The following EDARADD variants were observed in gnomAD, a reference collection of about 807,000 sequenced individuals.
EDARADD encodes the protein EDAR associated via death domain.
EDARADD carries 20 observed loss-of-function variants against 25.6 expected under a neutral mutation model. The observed-to-expected ratio is 0.78, with a 90% CI of 0.55 to 1.14. The LOEUF (loss-of-function observed/expected upper bound fraction) is 1.14. Ranked by LOEUF, EDARADD falls within the 50% of genes most tolerant of loss-of-function variation. EDARADD has a pLI of 0.00. For missense variants in EDARADD, 225 were observed against 270.1 expected (o/e 0.83, Z 1.17); for synonymous variants, 86 against 94.4 (o/e 0.91, Z 0.52).
intron 4 of EDARADD, among the ~76,000 whole-genome samples, chr1:236,458,631 TTTTC>T (rs1354119023): frequency 1.4e-5 from 2 of 144,826 alleles, no homozygotes; most frequent in East Asian, 1.9e-4. Flanking sequence ...TTTTGGTATT[TTTTC>T]TTTTTCTTTT....
intron 3 of EDARADD, among the ~76,000 whole-genome samples, chr1:236,362,063 C>T (rs563715035): frequency 6.6e-5 from 10 of 152,008 alleles, no homozygotes; most frequent in Non-Finnish European, 1.2e-4. Context: ...AATATTTACC[C>T]GCAATTGGTA....
chr1:236,376,047 T>G (rs2102994757), intron 3 of EDARADD, among the ~76,000 whole-genome samples: 1 of 151,098 alleles, frequency 6.6e-6, no homozygotes, highest in East Asian at 2.0e-4. Context: ...CGATTCTCCT[T>G]CTTCAGCCTC....
chr1:236,356,621 G>T (rs2102990373), intron 3 of EDARADD, among the ~76,000 whole-genome samples: 1 of 152,228 alleles, frequency 6.6e-6, no homozygotes, highest in African/African-American at 2.4e-5. Flanking sequence ...TGGTAAAATT[G>T]ATAAAATGGC....
At chr1:236,481,893 C>T (rs112733372) in intron 5 of EDARADD, among the ~76,000 whole-genome samples, 8,696 of 151,538 alleles carry the variant, frequency 0.057, 788 homozygotes, top group African/African-American at 0.19. Context: ...GCGGGTGGAT[C>T]ACAAGGTCAG....
chr1:236,379,629 A>G (rs1252804434), intron 3 of EDARADD, among the ~76,000 whole-genome samples: 3 of 151,486 alleles, frequency 2.0e-5, no homozygotes, highest in Non-Finnish European at 4.4e-5. Context: ...AAATACAAAA[A>G]TTACCCAGAT....
intron 4 of EDARADD, among the ~76,000 whole-genome samples, chr1:236,436,591 C>T (rs1658257886): frequency 7.1e-6 from 1 of 140,072 alleles, no homozygotes; most frequent in South Asian, 2.2e-4. Flanking sequence ...TGTGCTACTG[C>T]ACTCCAGCAT....
intron 5 of EDARADD, among the ~76,000 whole-genome samples, chr1:236,479,323 C>T (rs1453018003): frequency 6.6e-6 from 1 of 151,766 alleles, no homozygotes; most frequent in Non-Finnish European, 1.5e-5. Flanking sequence ...TAGTGGGACC[C>T]TGTCTCAAAT....
intron 4 of EDARADD, among the ~76,000 whole-genome samples, chr1:236,447,512 G>A (rs1478841225): frequency 2.6e-5 from 4 of 151,880 alleles, no homozygotes; most frequent in Admixed American, 6.6e-5. Context: ...ATGTCCTCCC[G>A]CCATCCTACC....
chr1:236,466,208 C>T (rs1047601647), intron 4 of EDARADD, among the ~76,000 whole-genome samples: 1 of 152,196 alleles, frequency 6.6e-6, no homozygotes, highest in Non-Finnish European at 1.5e-5. Context: ...AGCCCACATA[C>T]CTGCCCGATC....
intron 4 of EDARADD, among the ~76,000 whole-genome samples, chr1:236,442,029 G>T (rs1658415307): frequency 6.6e-6 from 1 of 152,140 alleles, no homozygotes; most frequent in Non-Finnish European, 1.5e-5. Context: ...TACCATCATT[G>T]ATGAAACTGA....
At chr1:236,456,143 G>A (rs959772142) in intron 4 of EDARADD, among the ~76,000 whole-genome samples, 9 of 152,174 alleles carry the variant, frequency 5.9e-5, no homozygotes, top group South Asian at 2.1e-4. Context: ...GTGCAGTGGC[G>A]CGATCTCTGC....
rs187978069 is a variant in EDARADD, at chr1:236,406,493, T to C, written c.62-2723T>C. ...CTCCTGGGCTGTTTGGTACAGCCCA[T>C]TGCTCCAGGACTACACACCTGCCCA... is the stretch of plus-strand genomic sequence containing the variant. On this transcript the variant is annotated intron_variant, in intron 1 of 5. Coordinates refer to ENST00000334232, the MANE Select transcript of EDARADD (RefSeq NM_145861.4). 1.1e-3 allele frequency among the ~76,000 whole-genome samples: 172 copies of C among 152,220 alleles called. 3 individuals are homozygous for C. Among genetic ancestry groups the C allele is most frequent in the Admixed American group, 9.5e-3 (145 of 15,288 alleles).
chr1:236,393,562 G>A (rs1667460406), upstream of EDARADD, among the ~76,000 whole-genome samples: 1 of 151,696 alleles, frequency 6.6e-6, no homozygotes, highest in Admixed American at 6.6e-5. Flanking sequence ...ATCCAGCTAA[G>A]TTTTTTGTAT....
At chr1:236,377,105 C>T (rs560002713) in intron 3 of EDARADD, among the ~76,000 whole-genome samples, 1 of 148,782 alleles carries the variant, frequency 6.7e-6, no homozygotes, top group Non-Finnish European at 1.5e-5. Flanking sequence ...CCATTACAGC[C>T]CTTAACATAT....
chr1:236,451,659 G>C (rs1658716546), intron 4 of EDARADD, among the ~76,000 whole-genome samples: 1 of 152,144 alleles, frequency 6.6e-6, no homozygotes, highest in Admixed American at 6.5e-5. Flanking sequence ...CTAACCTCAA[G>C]TGATCTGCCT....
In EDARADD at chr1:236,395,524, C is replaced by T. The variant is rs1345878705; in HGVS notation, c.61+1019C>T. The T allele has an allele frequency of 6.5e-7, 1 of 1,534,462 alleles. No individual in the cohort carries two copies. Among genetic ancestry groups the T allele is most frequent in the African/African-American group, 1.4e-5 (1 of 72,790 alleles). On this transcript the variant is annotated intron_variant, in intron 1 of 5. Coordinates refer to ENST00000334232, the MANE Select transcript of EDARADD (RefSeq NM_145861.4). The surrounding 1 kb of genome is among the most constrained non-coding windows in gnomAD (Gnocchi z 6.9). ...GCGCAGAGCCACGGTTTGCTCCAGG[C>T]GCGTCGGAACCGCAGGACTTTTCAT...
Position 236,398,352 on chromosome 1 carries a change from C to A in EDARADD, c.61+3847C>A, listed in dbSNP as rs1001617216. 1.3e-5 allele frequency among the ~76,000 whole-genome samples: 2 copies of A among 152,214 alleles called. No individual in the cohort carries two copies. The highest frequency in any genetic ancestry group is 2.4e-5 in the African/African-American group (1 of 41,456). ...CCTCAAGTGATCCACCCACCTCGGC[C>A]TCCCAGAGTGCTGGGATTACTGGTG... On this transcript the variant is annotated intron_variant, in intron 1 of 5. Coordinates refer to ENST00000334232, the MANE Select transcript of EDARADD (RefSeq NM_145861.4). This position sits in a 1 kb window ranked among gnomAD's most constrained non-coding sequence, Gnocchi z 4.1.
chr1:236,477,920 T>G (rs1031706220), intron 5 of EDARADD, among the ~76,000 whole-genome samples: 1 of 151,990 alleles, frequency 6.6e-6, no homozygotes, highest in Non-Finnish European at 1.5e-5. Flanking sequence ...GTGGCCAACA[T>G]GGCAAAACTC....
chr1:236,396,411 T>C (rs1667516319), intron 1 of EDARADD, among the ~76,000 whole-genome samples: 1 of 152,176 alleles, frequency 6.6e-6, no homozygotes, highest in Non-Finnish European at 1.5e-5. Context: ...GAATGATCTA[T>C]CCCTCAGAGT....
Sources: allele counts gnomAD v4.1 joint callset (sites outside exome capture counted in the v4.1 genomes callset), GRCh38; gene constraint gnomAD v4.1.1; non-coding constraint Gnocchi (gnomAD v3.1); transcripts MANE v1.5; gene names NCBI Gene and HGNC (gene_info 2026-07-23, HGNC 2026-07-21).